The following JAM3 variants were observed in gnomAD, a reference collection of about 807,000 sequenced individuals.
JAM3 encodes the protein junctional adhesion molecule C.
Under a neutral mutation model 39.4 loss-of-function variants are expected in JAM3, and 31 were observed. The observed-to-expected ratio is 0.79, with a 90% confidence interval of 0.59 to 1.06. JAM3 has a LOEUF of 1.06. JAM3 is among the 50% of genes least tolerant of loss of function. The pLI, the probability that JAM3 is intolerant of heterozygous loss-of-function variation, is 0.00. For synonymous variants in JAM3, 182 were observed against 148.7 expected (o/e 1.22, Z -1.63); for missense variants, 455 against 391.4 (o/e 1.16, Z -1.37).
rs763700386 is a variant in JAM3 at position 134,148,517 on chromosome 11, A to T, written c.713-30A>T. On this transcript the variant is annotated intron_variant, in intron 6 of 8. Coordinates refer to ENST00000299106, the MANE Select transcript of JAM3 (RefSeq NM_032801.5). The stretch of plus-strand genomic sequence containing the variant: ...TTTTAAATAACAGATAGTGTGTATC[A>T]TGGCTTCCACCAAACCTCCTTTTCT... 3.7e-6 allele frequency: 6 copies of T among 1,614,124 alleles called. No homozygotes were observed. In the South Asian group the frequency reaches 5.5e-5, roughly 15 times the overall value.
chr11:134,146,973 C>T (rs1331187106), intron 6 of JAM3, among the ~76,000 whole-genome samples: 1 of 152,200 alleles, frequency 6.6e-6, no homozygotes, highest in Non-Finnish European at 1.5e-5. Flanking sequence ...GTTTCACATA[C>T]AGATTCGAGC....
intron 6 of JAM3, 199 bp from the exon 7 acceptor site, chr11:134,148,348 G>T (rs182566330): frequency 9.6e-6 from 6 of 628,260 alleles, no homozygotes; most frequent in Non-Finnish European, 1.4e-5. Context: ...TACTTTTCAC[G>T]TGTGAAGTTA....
Position 134,117,780 on chromosome 11 carries a change from C to G in JAM3, c.77-22071C>G, listed in dbSNP as rs114201814. On this transcript the variant is annotated intron_variant, in intron 1 of 8. Transcript: ENST00000299106. ...TGAGATTCCCTTATATTTTCAAGTT[C>G]GGTTCCTGAAGTAGCTCATCCATTC... 1.7e-3 allele frequency among the ~76,000 whole-genome samples: 262 copies of G among 152,198 alleles called. 1 individual carries two copies. Among genetic ancestry groups the G allele is most frequent in the African/African-American group, 6.2e-3 (256 of 41,516 alleles).
intron 1 of JAM3, among the ~76,000 whole-genome samples, chr11:134,088,295 A>G (rs1254216689): frequency 6.6e-6 from 1 of 152,130 alleles, no homozygotes; most frequent in Non-Finnish European, 1.5e-5. Flanking sequence ...TGTATTACCC[A>G]CTTGCTTCCA....
At chr11:134,106,017 C>T (rs556083375) in intron 1 of JAM3, among the ~76,000 whole-genome samples, 18 of 152,234 alleles carry the variant, frequency 1.2e-4, no homozygotes, top group Middle Eastern at 3.4e-3. Context: ...TCCTATGGAA[C>T]CAAAAAAGAG....
At chr11:134,123,883 A>G in intron 1 of JAM3, 1 of 910,852 alleles carries the variant, frequency 1.1e-6, no homozygotes, top group East Asian at 2.4e-5. Flanking sequence ...TTAGGTCAGT[A>G]TTTCTCCAAG....
At chr11:134,145,113 C>T (rs942383538) in intron 5 of JAM3, 119 bp downstream of exon 5, 16 of 863,030 alleles carry the variant, frequency 1.9e-5, no homozygotes, top group African/African-American at 6.7e-5. Flanking sequence ...AGTCAAAAAT[C>T]TAGAATGTTA....
In JAM3 at chr11:134,144,805, C is replaced by T; in HGVS notation, c.423C>T (p.Thr141=). The change falls in exon 5 of 9, where the codon ACC becomes ACT. Residue 141 remains threonine (T), a synonymous_variant. Coordinates refer to ENST00000299106, the MANE Select transcript of JAM3 (RefSeq NM_032801.5). The part of the protein sequence containing the change: ...IELTVQVKPV[T]PVCRVPKAVP... ...TTTTCCCCACAGTGAAGCCAGTGACCCCTGTCTGTAGAGTGCCGAAGGCTG... is the reference window on the plus strand; with the variant it reads ...TTTTCCCCACAGTGAAGCCAGTGACTCCTGTCTGTAGAGTGCCGAAGGCTG... The T allele has an allele frequency of 6.2e-7, 1 of 1,614,006 alleles. No individual in the cohort carries two copies. The highest frequency in any genetic ancestry group is 8.5e-7 in the Non-Finnish European group (1 of 1,179,962).
chr11:134,127,811 C>A (rs1425258907), intron 1 of JAM3, among the ~76,000 whole-genome samples: 1 of 152,222 alleles, frequency 6.6e-6, no homozygotes, highest in African/African-American at 2.4e-5. Flanking sequence ...CCTAGAATCA[C>A]ATTAAGAAAG....
At chr11:134,070,174 T>A (rs1464344860) in intron 1 of JAM3, 3 of 456,202 alleles carry the variant, frequency 6.6e-6, no homozygotes, top group Non-Finnish European at 8.8e-6. Context: ...ATTTTCAGAG[T>A]CAAGTCTAGT....
intron 1 of JAM3, among the ~76,000 whole-genome samples, chr11:134,092,544 C>T (rs1427340091): frequency 6.6e-6 from 1 of 150,846 alleles, no homozygotes. Context: ...TTCCACCTTA[C>T]ATCTTATTCA....
At chr11:134,136,462 A>G (rs1942867041) in intron 1 of JAM3, among the ~76,000 whole-genome samples, 1 of 152,224 alleles carries the variant, frequency 6.6e-6, no homozygotes, top group Non-Finnish European at 1.5e-5. Flanking sequence ...AGTTACTACT[A>G]CATTTTAAAG....
chr11:134,124,893 G>A (rs1942613935), intron 1 of JAM3, among the ~76,000 whole-genome samples: 1 of 152,224 alleles, frequency 6.6e-6, no homozygotes, highest in Admixed American at 6.5e-5. Flanking sequence ...ATATTCCAAC[G>A]AAAAACGCTG....
chr11:134,134,422 A>AAC (rs1942826122), intron 1 of JAM3, among the ~76,000 whole-genome samples: 1 of 142,786 alleles, frequency 7.0e-6, no homozygotes, highest in African/African-American at 2.7e-5. Flanking sequence ...AAAAAAAAAA[A>AAC]CATCTAGGCA....
At chr11:134,083,661 TAAAA>T (rs202019336) in intron 1 of JAM3, among the ~76,000 whole-genome samples, 1 of 150,766 alleles carries the variant, frequency 6.6e-6, no homozygotes, top group Non-Finnish European at 1.5e-5. Context: ...TAGCTCACAT[TAAAA>T]AAAAACACCA....
chr11:134,140,884 C>CT, intron 3 of JAM3, 114 bp downstream of exon 3: 7 of 1,303,212 alleles, frequency 5.4e-6, no homozygotes, highest in Admixed American at 2.8e-5. Flanking sequence ...TAGCTAGGAC[C>CT]GTTTTTTTTT....
intron 1 of JAM3, among the ~76,000 whole-genome samples, chr11:134,104,605 C>A (rs1317622922): frequency 1.3e-5 from 2 of 152,056 alleles, no homozygotes; most frequent in South Asian, 4.1e-4. Flanking sequence ...AATTGATAGA[C>A]CGCTAGCAAG....
chr11:134,134,041 C>T (rs1203191496), intron 1 of JAM3, among the ~76,000 whole-genome samples: 1 of 151,896 alleles, frequency 6.6e-6, no homozygotes, highest in Admixed American at 6.6e-5. Context: ...AACAGATGGA[C>T]AGTGCAAGCA....
chr11:134,096,826 A>G (rs1015062330), intron 1 of JAM3, among the ~76,000 whole-genome samples: 1 of 152,170 alleles, frequency 6.6e-6, no homozygotes, highest in Non-Finnish European at 1.5e-5. Flanking sequence ...TTCTTTACCT[A>G]TGCTGTACCA....
Sources: allele counts gnomAD v4.1 joint callset (sites outside exome capture counted in the v4.1 genomes callset), GRCh38; gene constraint gnomAD v4.1.1; transcripts MANE v1.5; gene names NCBI Gene and HGNC (gene_info 2026-07-23, HGNC 2026-07-21).